The following SPAST variants were observed in gnomAD, a reference collection of about 807,000 sequenced individuals.
SPAST encodes spastic paraplegia 4 (autosomal dominant; spastin).
A neutral mutation model predicts 76.6 loss-of-function variants in SPAST; 30 were observed. The observed-to-expected ratio is 0.39, with a 90% CI of 0.29 to 0.53. SPAST has a LOEUF of 0.53. Ranked by LOEUF, SPAST falls within the 20% of genes least tolerant of loss-of-function variation. SPAST has a pLI of 0.68. For synonymous variants in SPAST, 305 were observed against 281.0 expected (o/e 1.09, Z -0.86); for missense variants, 717 against 770.5 (o/e 0.93, Z 0.82).
intron 12 of SPAST, among the ~76,000 whole-genome samples, chr2:32,137,946 T>C (rs576735340): frequency 6.6e-6 from 1 of 152,306 alleles, no homozygotes; most frequent in South Asian, 2.1e-4. Flanking sequence ...GGCGTAGTAT[T>C]AAGGCCTCCA....
rs776114823 is a variant in SPAST, at chr2:32,064,081, C to T, written c.250C>T (p.Arg84Cys). 198 of 1,612,120 alleles carry T rather than the reference C, an allele frequency of 1.2e-4. No individual in the cohort carries two copies. The highest frequency in any genetic ancestry group is 1.6e-4 in the Non-Finnish European group (189 of 1,179,216). The change falls in exon 1 of 17, where the codon CGC becomes TGC. Residue 84 changes from arginine (R) to cysteine (C), a missense_variant. Around this residue, in one of 3 missense-constraint regions of SPAST, gnomAD observed 543 missense variants for 445.2 expected, o/e 1.22. Transcript: ENST00000315285. ...LFVWLCQRFS[R>C]ALMAAKRSSG... ...CGTGTGGCTCTGCCAGCGCTTCTCC[C>T]GCGCCCTCATGGCAGCCAAGAGGAG...
At chr2:32,066,103 A>T (rs1676499443) in intron 1 of SPAST, 1 of 151,618 alleles carries the variant, frequency 6.6e-6, no homozygotes, top group African/African-American at 2.4e-5. Flanking sequence ...TCTCCCGAGT[A>T]GCTGGAACCA....
intron 8 of SPAST, 106 bp downstream of exon 8, chr2:32,127,128 T>A (rs1679221547): frequency 1.2e-6 from 1 of 818,672 alleles, no homozygotes; most frequent in African/African-American, 1.7e-5. Context: ...ACTTGCTTTT[T>A]GCTATTGTAC....
At chr2:32,070,503 A>G (rs1345710210) in intron 1 of SPAST, among the ~76,000 whole-genome samples, 1 of 152,252 alleles carries the variant, frequency 6.6e-6, no homozygotes, top group Non-Finnish European at 1.5e-5. Flanking sequence ...TAAAGCAAAT[A>G]TTAATTGGAG....
Position 32,128,470 on chromosome 2 carries a change from T to A in SPAST, c.1236T>A (p.Thr412=), listed in dbSNP as rs1327266112. The change falls in exon 9 of 17, where the codon ACT becomes ACA. Residue 412 remains threonine (T), a synonymous_variant. Coordinates refer to ENST00000315285, the MANE Select transcript of SPAST (RefSeq NM_014946.4). ...TFFNISAASL[T]SKYVGEGEKL... ...TTAATATAAGTGCTGCAAGTTTAACTTCAAAATACGTGAGTGCTCTGTTTC... is the reference window on the plus strand; with the variant it reads ...TTAATATAAGTGCTGCAAGTTTAACATCAAAATACGTGAGTGCTCTGTTTC... 2 of 1,603,482 alleles carry A rather than the reference T, an allele frequency of 1.2e-6. No individual in the cohort carries two copies. The highest frequency in any genetic ancestry group is 1.7e-6 in the Non-Finnish European group (2 of 1,170,514).
In SPAST at chr2:32,074,200, T is replaced by C. The variant is rs139235518; in HGVS notation, c.415+9954T>C. ...CTGCGAATAATTCTATGAATAAATA[T>C]CATAAAACCTATCTAGAAGAAAAGA... On this transcript the variant is annotated intron_variant, in intron 1 of 16. Transcript: ENST00000315285. Among the ~76,000 whole-genome samples the C allele has an allele frequency of 4.2e-3, 639 of 152,302 alleles. 9 individuals are homozygous for C. Among genetic ancestry groups the C allele is most frequent in the African/African-American group, 0.015 (626 of 41,578 alleles).
chr2:32,093,705 C>G (rs1238654227), intron 3 of SPAST, among the ~76,000 whole-genome samples: 1 of 152,128 alleles, frequency 6.6e-6, no homozygotes, highest in Non-Finnish European at 1.5e-5. Flanking sequence ...CTAGCACATG[C>G]TAGTTACCGA....
Position 32,136,572 on chromosome 2 carries a change from G to A in SPAST, c.1255G>A (p.Gly419Arg). The A allele has an allele frequency of 6.2e-7, 1 of 1,612,310 alleles. No individual in the cohort carries two copies. Among genetic ancestry groups the A allele is most frequent in the Non-Finnish European group, 8.5e-7 (1 of 1,178,410 alleles). ...TAATGCTTTGTTTTAGGTGGGAGAA[G>A]GAGAGAAATTGGTGAGGGCTCTTTT... ...ASLTSKYVGE[G>R]EKLVRALFAV... The change falls in exon 10 of 17, where the codon GGA becomes AGA. Residue 419 changes from glycine to arginine, a missense_variant. This residue lies in a region of SPAST where 78 missense variants were observed against 197.6 expected (regional missense o/e 0.39). Coordinates refer to ENST00000315285, the MANE Select transcript of SPAST (RefSeq NM_014946.4).
intron 7 of SPAST, among the ~76,000 whole-genome samples, chr2:32,121,921 T>C (rs1016755502): frequency 6.6e-6 from 1 of 152,210 alleles, no homozygotes; most frequent in South Asian, 2.1e-4. Flanking sequence ...TACTTTATTA[T>C]CTGTTTCTTC....
chr2:32,148,396 G>C (rs1345112099), intron 16 of SPAST, among the ~76,000 whole-genome samples: 1 of 152,050 alleles, frequency 6.6e-6, no homozygotes, highest in Non-Finnish European at 1.5e-5. Context: ...TACAGGCCGG[G>C]TGCGGTGGCT....
intron 3 of SPAST, among the ~76,000 whole-genome samples, chr2:32,098,491 C>T (rs539594253): frequency 3.9e-5 from 6 of 152,130 alleles, no homozygotes; most frequent in South Asian, 2.1e-4. Flanking sequence ...TTGTTTTGGA[C>T]GTATTAGATA....
intron 3 of SPAST, among the ~76,000 whole-genome samples, chr2:32,096,360 A>G (rs1427181741): frequency 1.3e-5 from 2 of 152,202 alleles, no homozygotes; most frequent in Non-Finnish European, 2.9e-5. Flanking sequence ...TCTTGAACCC[A>G]TAAGGCAGAG....
chr2:32,126,461 TTTTA>T (rs1398940405), intron 7 of SPAST: 3 of 145,300 alleles, frequency 2.1e-5, no homozygotes, highest in African/African-American at 5.0e-5. Flanking sequence ...GAGGAGTTGG[TTTTA>T]TTTCTTTTTT....
chr2:32,131,238 C>G (rs1204645130), intron 9 of SPAST, among the ~76,000 whole-genome samples: 3 of 152,156 alleles, frequency 2.0e-5, no homozygotes, highest in Non-Finnish European at 2.9e-5. Context: ...TGTACTTATT[C>G]TTCAGATACC....
At chr2:32,087,021 T>A (rs1370010703) in intron 1 of SPAST, among the ~76,000 whole-genome samples, 1 of 152,136 alleles carries the variant, frequency 6.6e-6, no homozygotes, top group African/African-American at 2.4e-5. Flanking sequence ...ACTTGTAATC[T>A]CATACAGCAG....
chr2:32,121,288 G>A (rs1679009466), intron 7 of SPAST, among the ~76,000 whole-genome samples: 2 of 151,834 alleles, frequency 1.3e-5, no homozygotes, highest in Non-Finnish European at 2.9e-5. Context: ...GAGTAGCTGG[G>A]ATTACAGGCA....
chr2:32,091,283 ATTATTATTATTATTC>A (rs979298298), intron 3 of SPAST, among the ~76,000 whole-genome samples: 6 of 140,438 alleles, frequency 4.3e-5, no homozygotes, highest in Non-Finnish European at 9.2e-5. Context: ...TATTATTATT[ATTATTATTATTATTC>A]GAGATGGAGT....
At chr2:32,104,599 A>C (rs1678249201) in intron 4 of SPAST, among the ~76,000 whole-genome samples, 1 of 151,946 alleles carries the variant, frequency 6.6e-6, no homozygotes, top group Non-Finnish European at 1.5e-5. Flanking sequence ...CCGGTTGTTC[A>C]TTTCCATGTT....
chr2:32,104,619 C>T (rs914163423), intron 4 of SPAST, among the ~76,000 whole-genome samples: 4 of 152,144 alleles, frequency 2.6e-5, no homozygotes, highest in Non-Finnish European at 5.9e-5. Context: ...TCAGTGCTTC[C>T]TTCAGGAGCT....
Sources: allele counts gnomAD v4.1 joint callset (sites outside exome capture counted in the v4.1 genomes callset), GRCh38; gene constraint gnomAD v4.1.1; regional missense constraint gnomAD v4.1.1; transcripts MANE v1.5; gene names NCBI Gene and HGNC (gene_info 2026-07-23, HGNC 2026-07-21).